The following ZNF273 variants were observed in gnomAD, a reference collection of about 807,000 sequenced individuals.
The protein encoded by ZNF273 is zinc finger protein 273, also known as zinc finger protein 9.
ZNF273 carries 11 observed loss-of-function variants against 14.9 expected under a neutral mutation model. That is an observed-to-expected ratio of 0.74 (90% confidence interval 0.46 to 1.22). The LOEUF (loss-of-function observed/expected upper bound fraction) is 1.22. Ranked by LOEUF, ZNF273 falls within the 50% of genes most tolerant of loss-of-function variation. The pLI is 0.00. For missense variants in ZNF273, 577 were observed against 660.6 expected (o/e 0.87, Z 1.39); for synonymous variants, 199 against 223.9 (o/e 0.89, Z 0.99).
upstream of ZNF273, among the ~76,000 whole-genome samples, chr7:64,901,301 C>T (rs556278454): frequency 1.3e-5 from 2 of 152,278 alleles, no homozygotes; most frequent in South Asian, 2.1e-4. Flanking sequence ...CCGTGCCCGG[C>T]GCTGGTATGC....
chr7:64,896,950 T>C (rs1347603944), intron 3 of ZNF273, among the ~76,000 whole-genome samples: 21 of 152,246 alleles, frequency 1.4e-4, no homozygotes, highest in Admixed American at 1.4e-3. Flanking sequence ...ATTTACACAA[T>C]GGAATGCTAT....
At chr7:64,886,400 A>G (rs1036526075) in intron 1 of ZNF273, among the ~76,000 whole-genome samples, 1 of 152,242 alleles carries the variant, frequency 6.6e-6, no homozygotes, top group African/African-American at 2.4e-5. Context: ...GGAAAGTAAG[A>G]TAAGTGAGCT....
At position 64,927,601 on chromosome 7, in the gene ZNF273, TATATTC is replaced by T. The variant is rs1164577142; in HGVS notation, c.326-50_326-45del. ...ATTTTTATAGGTTAGATTTGTAAAG[TATATTC>T]ATCTGAGTCTAGTAAGTGGGGTAAT... is the stretch of plus-strand genomic sequence containing the variant. On this transcript the variant is annotated intron_variant, in intron 3 of 3. Coordinates refer to ENST00000476120, the MANE Select transcript of ZNF273 (RefSeq NM_021148.3). The T allele has an allele frequency of 4.2e-6, 6 of 1,436,848 alleles. No individual in the cohort carries two copies. In the East Asian group the frequency reaches 1.4e-4, roughly 33 times the overall value. The allele number at this position is 1,436,848 out of a possible 1,614,324, so 89.0% of individuals were successfully genotyped here. A position where few individuals can be genotyped will look rare whatever the true frequency, so the allele number is the denominator to read the frequency against.
chr7:64,899,270 T>G (rs1792541784), upstream of ZNF273, among the ~76,000 whole-genome samples: 1 of 152,274 alleles, frequency 6.6e-6, no homozygotes, highest in Non-Finnish European at 1.5e-5. Context: ...AAAATGTGAT[T>G]TTGGTTAATT....
intron 2 of ZNF273, among the ~76,000 whole-genome samples, chr7:64,917,985 C>A (rs1005913243): frequency 1.3e-5 from 2 of 151,926 alleles, no homozygotes; most frequent in Non-Finnish European, 2.9e-5. Flanking sequence ...TAATTGCCAC[C>A]ACTAATTTTT....
At position 64,903,281 on chromosome 7, in the gene ZNF273, C is replaced by G. The variant is rs373601082; in HGVS notation, c.-37C>G. 1.6e-5 allele frequency: 25 copies of G among 1,547,160 alleles called. No individual in the cohort carries two copies. In the Admixed American group the frequency reaches 2.1e-4, roughly 13 times the overall value. On this transcript the variant is annotated 5_prime_UTR_variant, in exon 1 of 4. Transcript: ENST00000476120. ...GATTTGGCGGGGCCTTTGTCTCTCG[C>G]TGCAGTCGCAGCTCCAGGTCTCGTC...
chr7:64,908,845 T>C (rs181534251), intron 1 of ZNF273, among the ~76,000 whole-genome samples: 1 of 152,320 alleles, frequency 6.6e-6, no homozygotes, highest in Non-Finnish European at 1.5e-5. Flanking sequence ...GGACATAACC[T>C]TATTATTATT....
At chr7:64,912,826 G>GTTTTTTGTTGTTTTT in intron 1 of ZNF273, among the ~76,000 whole-genome samples, 10 of 36,568 alleles carry the variant, frequency 2.7e-4, no homozygotes, top group Admixed American at 4.0e-4. Flanking sequence ...ATTCATTTTA[G>GTTTTTTGTTGTTTTT]TTTTTTTTTT....
chr7:64,920,632 C>G (rs1794366485), intron 3 of ZNF273, among the ~76,000 whole-genome samples: 2 of 152,184 alleles, frequency 1.3e-5, no homozygotes, highest in Admixed American at 1.3e-4. Flanking sequence ...ATTTCATGGT[C>G]TGCAGCAAAG....
downstream of ZNF273, among the ~76,000 whole-genome samples, chr7:64,891,305 G>A (rs1471930020): frequency 2.6e-5 from 4 of 152,202 alleles, no homozygotes; most frequent in East Asian, 7.7e-4. Context: ...GCTTAATAAA[G>A]CCTCAGCATG....
chr7:64,912,826 G>GTTTTTTGTTGTTTTTTTTTTTT lies in ZNF273; in HGVS notation c.103-4749_103-4748insGTTGTTTTTTTTTTTTTTTTTT. On this transcript the variant is annotated intron_variant, in intron 1 of 3. Transcript: ENST00000476120. ...TCTTTTTGACTCAGGATTCATTTTA[G>GTTTTTTGTTGTTTTTTTTTTTT]TTTTTTTTTTTTTTTTTTTTGAGAT... Among the ~76,000 whole-genome samples, 323 of 36,574 alleles carry GTTTTTTGTTGTTTTTTTTTTTT rather than the reference G, an allele frequency of 8.8e-3. 26 individuals carry two copies. The highest frequency in any genetic ancestry group is 0.038 in the South Asian group (29 of 768). The allele number at this position is 36,574 out of a possible 152,430, so 24.0% of individuals were successfully genotyped here.
intron 2 of ZNF273, 119 bp downstream of exon 2, chr7:64,917,826 G>C: frequency 8.9e-7 from 1 of 1,128,680 alleles, no homozygotes; most frequent in East Asian, 3.1e-5. Flanking sequence ...CAAAATCCTG[G>C]GGATTTGTTC....
chr7:64,909,211 C>A (rs1205437250), intron 1 of ZNF273, among the ~76,000 whole-genome samples: 4 of 150,866 alleles, frequency 2.7e-5, no homozygotes, highest in African/African-American at 7.3e-5. Context: ...GCCACTGCAC[C>A]CAACAATATG....
intron 1 of ZNF273, among the ~76,000 whole-genome samples, chr7:64,886,757 C>T (rs1308732939): frequency 6.6e-6 from 1 of 152,214 alleles, no homozygotes; most frequent in Admixed American, 6.5e-5. Flanking sequence ...CCTGGGCACA[C>T]CTGCATGAGG....
downstream of ZNF273, chr7:64,893,688 C>CCCCCTCCCCTCCCCCTCCCCA (rs1792183363): frequency 3.9e-4 from 2 of 5,094 alleles, no homozygotes; most frequent in Non-Finnish European, 1.5e-3. Flanking sequence ...CCCCTCCCCT[C>CCCCCTCCCCTCCCCCTCCCCA]CCCCTCCCCT....
intron 2 of ZNF273, 62 bp from the exon 3 acceptor site, chr7:64,918,135 A>C: frequency 6.8e-7 from 1 of 1,464,856 alleles, no homozygotes; most frequent in South Asian, 1.1e-5. Flanking sequence ...TACTGAGCAC[A>C]TTACTGGTTG....
downstream of ZNF273, chr7:64,882,649 T>C (rs1334004983): frequency 2.0e-5 from 3 of 152,284 alleles, no homozygotes; most frequent in East Asian, 5.8e-4. Flanking sequence ...ATCCTCGGGA[T>C]ACTCCCACGA....
intron 1 of ZNF273, among the ~76,000 whole-genome samples, chr7:64,907,447 A>G (rs1473713853): frequency 3.3e-5 from 5 of 152,138 alleles, no homozygotes; most frequent in Non-Finnish European, 5.9e-5. Context: ...ACATAACTAC[A>G]GTGTTTGCTG....
exon 2 of ZNF273, chr7:64,888,729 C>T: frequency 8.1e-6 from 8 of 985,790 alleles, no homozygotes; most frequent in South Asian, 4.7e-5. Flanking sequence ...ATGGGAGAGT[C>T]CCGTTCACAC....
Sources: allele counts gnomAD v4.1 joint callset (sites outside exome capture counted in the v4.1 genomes callset), GRCh38; gene constraint gnomAD v4.1.1; transcripts MANE v1.5; gene names NCBI Gene and HGNC (gene_info 2026-07-23, HGNC 2026-07-21).